The following XPNPEP3 variants were observed in gnomAD, a reference collection of about 807,000 sequenced individuals.
The protein encoded by XPNPEP3 is X-prolyl aminopeptidase 3.
A neutral mutation model predicts 60.0 loss-of-function variants in XPNPEP3; 41 were observed. The ratio of observed to expected loss-of-function variants is 0.68; its 90% CI spans 0.53 to 0.89. XPNPEP3 has a LOEUF of 0.89. Among genes scored for constraint, XPNPEP3 ranks in the 40% least tolerant of loss-of-function variants. The probability of loss-of-function intolerance (pLI) is 0.00; values close to 1 mark genes in which losing one functional copy is unlikely to be tolerated. For synonymous variants in XPNPEP3, 212 were observed against 223.2 expected, an observed-to-expected ratio of 0.95 and a Z score of 0.45; for missense variants, 598 against 638.9, an observed-to-expected ratio of 0.94 and a Z score of 0.69.
chr22:40,928,175 G>T lies in XPNPEP3; in HGVS notation c.*1740G>T, dbSNP rs2058242006. Reference sequence around the variant, plus strand: ...TATCTTTCTTTGATACTAGCACTGGGAGTGCAGTGGTAAAGAGTCATACTT... The same window carrying T: ...TATCTTTCTTTGATACTAGCACTGGTAGTGCAGTGGTAAAGAGTCATACTT... On this transcript the variant is annotated 3_prime_UTR_variant, in exon 10 of 10. Transcript: ENST00000357137. 1 of 151,014 alleles carries T rather than the reference G, an allele frequency of 6.6e-6. No homozygotes were observed. Among genetic ancestry groups the T allele is most frequent in the Non-Finnish European group, 1.5e-5 (1 of 67,878 alleles). The allele number at this position is 151,014 out of a possible 1,614,324, so 9.4% of individuals were successfully genotyped here. A position where few individuals can be genotyped will look rare whatever the true frequency, so the allele number is the denominator to read the frequency against.
chr22:40,915,945 C>T (rs1003946863), intron 7 of XPNPEP3, among the ~76,000 whole-genome samples: 14 of 152,248 alleles, frequency 9.2e-5, no homozygotes, highest in African/African-American at 3.4e-4. Flanking sequence ...AACAAAATTT[C>T]TAGACATGAG....
At chr22:40,887,728 A>G (rs985923864) in intron 4 of XPNPEP3, among the ~76,000 whole-genome samples, 13 of 152,176 alleles carry the variant, frequency 8.5e-5, no homozygotes, top group African/African-American at 3.1e-4. Flanking sequence ...AGAGACTCCA[A>G]AATGGAATCT....
chr22:40,911,968 C>T (rs2058178805), intron 6 of XPNPEP3, among the ~76,000 whole-genome samples: 2 of 152,138 alleles, frequency 1.3e-5, no homozygotes, highest in South Asian at 4.1e-4. Context: ...GATGATAACA[C>T]AAAAGACTGA....
chr22:40,884,124 A>G (rs2058058930), intron 3 of XPNPEP3, among the ~76,000 whole-genome samples: 1 of 152,166 alleles, frequency 6.6e-6, no homozygotes, highest in Admixed American at 6.5e-5. Flanking sequence ...AATGTTTTCC[A>G]TTTTATAGAT....
At chr22:40,862,021 GT>G in intron 1 of XPNPEP3, 1 of 1,558,886 alleles carries the variant, frequency 6.4e-7, no homozygotes, top group Non-Finnish European at 8.6e-7. Flanking sequence ...GGAAGTGGGT[GT>G]GCTGGGTATT....
intron 4 of XPNPEP3, among the ~76,000 whole-genome samples, chr22:40,892,393 G>A (rs2058091713): frequency 6.6e-6 from 1 of 152,046 alleles, no homozygotes; most frequent in Admixed American, 6.6e-5. Flanking sequence ...CACCATGTTG[G>A]CCAGGATGGT....
intron 1 of XPNPEP3, chr22:40,859,656 G>T (rs926589716): frequency 6.6e-6 from 1 of 151,996 alleles, no homozygotes; most frequent in African/African-American, 2.4e-5. Flanking sequence ...TCTCCCATCT[G>T]CCCACTAAAA....
intron 6 of XPNPEP3, among the ~76,000 whole-genome samples, chr22:40,910,802 G>A (rs1489639233): frequency 2.6e-5 from 4 of 151,990 alleles, no homozygotes; most frequent in East Asian, 1.9e-4. Flanking sequence ...TCAGGAGTTC[G>A]AGACCATCCT....
At chr22:40,898,775 T>G (rs948752071) in intron 4 of XPNPEP3, among the ~76,000 whole-genome samples, 3 of 152,192 alleles carry the variant, frequency 2.0e-5, no homozygotes, top group African/African-American at 2.4e-5. Context: ...GGTGGATGCC[T>G]TTTATCACAG....
At position 40,895,546 on chromosome 22, in the gene XPNPEP3, G is replaced by A. The variant is rs2058104589; in HGVS notation, c.792+9031G>A. The stretch of plus-strand genomic sequence containing the variant: ...GACAGGGTTTCACCATGTTGCCCAG[G>A]CTAATCTTGAACTGCTGACCTCAGG... On this transcript the variant is annotated intron_variant, in intron 4 of 9. Transcript: ENST00000357137. Among the ~76,000 whole-genome samples the A allele has an allele frequency of 2.0e-5, 3 of 151,854 alleles. No individual in the cohort carries two copies. In the South Asian group the frequency reaches 6.2e-4, roughly 32 times the overall value.
At chr22:40,923,756 G>T (rs944159216) in intron 8 of XPNPEP3, among the ~76,000 whole-genome samples, 1 of 152,152 alleles carries the variant, frequency 6.6e-6, no homozygotes, top group Non-Finnish European at 1.5e-5. Context: ...GGAGGCTGAG[G>T]TGGGAGAATA....
Position 40,914,281 on chromosome 22 carries a change from T to C in XPNPEP3, c.1012T>C (p.Cys338Arg). Residue 338 changes from cysteine to arginine, a missense_variant, in exon 7 of 10, where the codon TGC (cysteine) becomes CGC (arginine). Transcript: ENST00000357137. Reference sequence around the variant, plus strand: ...TCTGGATGGAGGTTGTGAGTCTTCCTGCTATGTGAGTGACATCACACGTAC... The same window carrying C: ...TCTGGATGGAGGTTGTGAGTCTTCCCGCTATGTGAGTGACATCACACGTAC... ...VLLDGGCESS[C>R]YVSDITRTWP... is the part of the protein sequence containing the mutation. 6.2e-7 allele frequency: 1 copy of C among 1,614,136 alleles called. No homozygotes were observed. The highest frequency in any genetic ancestry group is 8.5e-7 in the Non-Finnish European group (1 of 1,180,022).
In XPNPEP3 at chr22:40,882,110, A is replaced by T; in HGVS notation, c.522A>T (p.Ile174=). Reference sequence around the variant, plus strand: ...CGCGATCTGGCACTGATGGAGCAATAGCTCTAACTGGAGTAGACGAAGCCT... The same window carrying T: ...CGCGATCTGGCACTGATGGAGCAATTGCTCTAACTGGAGTAGACGAAGCCT... ...DGPRSGTDGA[I]ALTGVDEAYT... Residue 174 remains isoleucine, a synonymous_variant, in exon 3 of 10, where the codon ATA becomes ATT. Coordinates refer to ENST00000357137, the MANE Select transcript of XPNPEP3 (RefSeq NM_022098.4). 6.2e-7 allele frequency: 1 copy of T among 1,614,170 alleles called. No individual in the cohort carries two copies. The highest frequency in any genetic ancestry group is 8.5e-7 in the Non-Finnish European group (1 of 1,180,016).
chr22:40,924,775 A>G (rs1347167033), intron 9 of XPNPEP3, among the ~76,000 whole-genome samples: 1 of 152,168 alleles, frequency 6.6e-6, no homozygotes, highest in African/African-American at 2.4e-5. Flanking sequence ...CACCTATCTC[A>G]GTCTCCCAAA....
At chr22:40,879,654 C>G (rs2058039898) in intron 2 of XPNPEP3, among the ~76,000 whole-genome samples, 1 of 152,066 alleles carries the variant, frequency 6.6e-6, no homozygotes, top group African/African-American at 2.4e-5. Context: ...CCAGCCTGGA[C>G]AACATGGTGA....
At chr22:40,874,998 CT>C (rs1390670023) in intron 2 of XPNPEP3, among the ~76,000 whole-genome samples, 2 of 152,120 alleles carry the variant, frequency 1.3e-5, no homozygotes, top group South Asian at 2.1e-4. Context: ...CATTTCAACA[CT>C]TTTTTAATAG....
intron 5 of XPNPEP3, among the ~76,000 whole-genome samples, chr22:40,908,679 G>A (rs893167302): frequency 3.9e-5 from 6 of 152,094 alleles, no homozygotes; most frequent in African/African-American, 1.4e-4. Flanking sequence ...TTGAAAGATT[G>A]GAATTAGTAA....
At chr22:40,892,408 A>G (rs535899517) in intron 4 of XPNPEP3, among the ~76,000 whole-genome samples, 7 of 152,136 alleles carry the variant, frequency 4.6e-5, no homozygotes, top group African/African-American at 1.7e-4. Context: ...GATGGTCTCA[A>G]TCTCTTGACC....
At chr22:40,901,858 A>G (rs1005261177) in intron 4 of XPNPEP3, among the ~76,000 whole-genome samples, 1 of 152,168 alleles carries the variant, frequency 6.6e-6, no homozygotes, top group Non-Finnish European at 1.5e-5. Flanking sequence ...TGAGAGGAGA[A>G]TGGGAATTAA....
Sources: allele counts gnomAD v4.1 joint callset (sites outside exome capture counted in the v4.1 genomes callset), GRCh38; gene constraint gnomAD v4.1.1; transcripts MANE v1.5; gene names NCBI Gene and HGNC (gene_info 2026-07-23, HGNC 2026-07-21).